Variants in ATOSA observed in about 807,000 individuals in gnomAD.
The protein encoded by ATOSA is atos homolog A.
chr15:52,662,215 A>G, the ATOSA span, among the ~76,000 whole-genome samples: 1 of 152,088 alleles, frequency 6.6e-6, no homozygotes, highest in Non-Finnish European at 1.5e-5. Context: ...TTGGAGAGAG[A>G]AGAAGATACA....
the ATOSA span, among the ~76,000 whole-genome samples, chr15:52,697,646 G>T: frequency 6.6e-5 from 10 of 151,744 alleles, no homozygotes; most frequent in African/African-American, 2.2e-4. Flanking sequence ...ATAAATGTTT[G>T]CAAACCAGAC....
chr15:52,659,642 T>C, the ATOSA span, among the ~76,000 whole-genome samples: 1 of 152,058 alleles, frequency 6.6e-6, no homozygotes, highest in East Asian at 1.9e-4. Flanking sequence ...CTGGGGCAAA[T>C]GAGCTATTTT....
the ATOSA span, among the ~76,000 whole-genome samples, chr15:52,591,027 C>T: frequency 2.2e-4 from 34 of 152,276 alleles, no homozygotes; most frequent in African/African-American, 8.2e-4. Context: ...ATCTCCCAAT[C>T]CTTCATTTTT....
chr15:52,636,054 T>G, the ATOSA span, among the ~76,000 whole-genome samples: 2 of 145,784 alleles, frequency 1.4e-5, no homozygotes, highest in African/African-American at 5.0e-5. Context: ...ATTAATAAAT[T>G]TATTAAATTA....
chr15:52,698,991 T>C, the ATOSA span, among the ~76,000 whole-genome samples: 1 of 152,184 alleles, frequency 6.6e-6, no homozygotes, highest in Non-Finnish European at 1.5e-5. Context: ...ATACTGCCAG[T>C]TGACTCAGTG....
the ATOSA span, chr15:52,587,278 A>C: frequency 7.4e-7 from 1 of 1,357,534 alleles, no homozygotes; most frequent in Admixed American, 2.2e-5. Flanking sequence ...TAAAAGACTA[A>C]AATAAGAATA....
At chr15:52,615,280 T>C in the ATOSA span, among the ~76,000 whole-genome samples, 2 of 152,364 alleles carry the variant, frequency 1.3e-5, no homozygotes, top group Non-Finnish European at 2.9e-5. Context: ...TGAGTGCTCT[T>C]AGTTTTTTAA....
chr15:52,610,007 C>T, the ATOSA span: 4 of 1,613,818 alleles, frequency 2.5e-6, no homozygotes, highest in African/African-American at 1.3e-5. Context: ...CTGCCAGTGC[C>T]TGGATATAGT....
the ATOSA span, among the ~76,000 whole-genome samples, chr15:52,613,237 G>A: frequency 1.3e-5 from 2 of 152,180 alleles, no homozygotes; most frequent in Non-Finnish European, 2.9e-5. Context: ...GTGGTGGCAC[G>A]CACCTGTAGT....
chr15:52,617,428 G>A, the ATOSA span, among the ~76,000 whole-genome samples: 1 of 152,112 alleles, frequency 6.6e-6, no homozygotes, highest in African/African-American at 2.4e-5. Flanking sequence ...AATTTCCATT[G>A]TTTAAGCCAC....
At chr15:52,651,738 C>T in the ATOSA span, 2 of 871,252 alleles carry the variant, frequency 2.3e-6, 1 homozygote, top group Non-Finnish European at 3.5e-6. Context: ...CAATGGTTTT[C>T]AAAGTGAGAT....
At chr15:52,652,011 G>A in the ATOSA span, 3 of 1,520,238 alleles carry the variant, frequency 2.0e-6, no homozygotes, top group Non-Finnish European at 2.6e-6. Context: ...AATGTTCAGC[G>A]TTGGGTGCTG....
chr15:52,605,025 A>AAAATGTTTCTT, the ATOSA span: 1 of 747,320 alleles, frequency 1.3e-6, no homozygotes, highest in Non-Finnish European at 2.1e-6. Context: ...CCTTACTGGA[A>AAAATGTTTCTT]ATTTAAAGAT....
chr15:52,699,565 C>T, the ATOSA span, among the ~76,000 whole-genome samples: 1 of 151,918 alleles, frequency 6.6e-6, no homozygotes, highest in African/African-American at 2.4e-5. Context: ...TCCCGTTTCA[C>T]TCTCCAACAG....
At chr15:52,662,899 T>C in the ATOSA span, among the ~76,000 whole-genome samples, 1 of 150,512 alleles carries the variant, frequency 6.6e-6, no homozygotes, top group Non-Finnish European at 1.5e-5. Flanking sequence ...AAGGGAAAAA[T>C]AAATGGAGAA....
At chr15:52,641,172 C>T in the ATOSA span, among the ~76,000 whole-genome samples, 2 of 152,140 alleles carry the variant, frequency 1.3e-5, no homozygotes, top group African/African-American at 4.8e-5. Flanking sequence ...TCGGTTTGTA[C>T]GTTAATCAAA....
At chr15:52,588,099 A>G in the ATOSA span, among the ~76,000 whole-genome samples, 2 of 152,220 alleles carry the variant, frequency 1.3e-5, no homozygotes, top group African/African-American at 4.8e-5. Context: ...TTGGTACTCA[A>G]AGAATGATCC....
chr15:52,659,679 A>C, the ATOSA span, among the ~76,000 whole-genome samples: 3 of 152,286 alleles, frequency 2.0e-5, no homozygotes, highest in Non-Finnish European at 2.9e-5. Context: ...ATCTAAGTAC[A>C]GAATGAAATA....
chr15:52,607,159 C>T, the ATOSA span, among the ~76,000 whole-genome samples: 4 of 152,072 alleles, frequency 2.6e-5, no homozygotes, highest in South Asian at 2.1e-4. Context: ...GACTTATTTA[C>T]GGTCACTTAA....
Sources: gnomAD v4.1 joint callset for allele counts (sites outside exome capture counted in the v4.1 genomes callset) on GRCh38, gnomAD v4.1.1 for gene constraint, MANE v1.5 for transcripts, NCBI Gene and HGNC (gene_info 2026-07-23, HGNC 2026-07-21) for gene names.